DCDC1: variants seen among roughly 807,000 people sequenced by gnomAD.
DCDC1 encodes the protein doublecortin domain containing 1, also known as doublecortin domain-containing protein 1.
DCDC1 carries 200 observed loss-of-function variants against 178.3 expected under a neutral mutation model. The ratio of observed to expected loss-of-function variants is 1.12; its 90% CI spans 1.00 to 1.26. The LOEUF is 1.26. Among genes scored for constraint, DCDC1 ranks in the 50% most tolerant of loss-of-function variants. The pLI, the probability that DCDC1 is intolerant of heterozygous loss-of-function variation, is 0.00. For synonymous variants in DCDC1, 690 were observed against 604.8 expected, an observed-to-expected ratio of 1.14 and a Z score of -2.07; for missense variants, 1,983 against 1,749.2, an observed-to-expected ratio of 1.13 and a Z score of -2.38.
At chr11:31,307,544 A>G in intron 4 of DCDC1, 95 bp downstream of exon 4, 1 of 1,472,200 alleles carries the variant, frequency 6.8e-7, no homozygotes, top group Non-Finnish European at 9.1e-7. Flanking sequence ...GTTACATTTT[A>G]ATGTCTGAGA....
At chr11:31,337,858 G>A (rs1388283604) in intron 1 of DCDC1, among the ~76,000 whole-genome samples, 1 of 152,166 alleles carries the variant, frequency 6.6e-6, no homozygotes, top group African/African-American at 2.4e-5. Context: ...CTGTGAACAT[G>A]GGATTAGCTA....
intron 6 of DCDC1, among the ~76,000 whole-genome samples, chr11:31,301,415 C>T (rs1190725798): frequency 6.6e-6 from 1 of 152,136 alleles, no homozygotes; most frequent in Middle Eastern, 3.2e-3. Flanking sequence ...TTGGTGTAGG[C>T]AGCACTATAG....
chr11:31,355,875 C>T (rs1951323071), intron 1 of DCDC1, among the ~76,000 whole-genome samples: 1 of 152,010 alleles, frequency 6.6e-6, no homozygotes, highest in Non-Finnish European at 1.5e-5. Flanking sequence ...GGCTGACGAT[C>T]TTAACTTTCT....
chr11:31,197,515 T>C (rs1970826367), intron 9 of DCDC1, among the ~76,000 whole-genome samples: 2 of 152,086 alleles, frequency 1.3e-5, no homozygotes, highest in African/African-American at 4.8e-5. Context: ...TCTTACCTCT[T>C]AGAAATAGGC....
intron 20 of DCDC1, among the ~76,000 whole-genome samples, chr11:30,965,054 A>G (rs972232409): frequency 6.6e-6 from 1 of 152,180 alleles, no homozygotes; most frequent in African/African-American, 2.4e-5. Flanking sequence ...AGACAGGGTG[A>G]GTGAGTCCCT....
intron 7 of DCDC1, among the ~76,000 whole-genome samples, chr11:31,289,461 G>T (rs1379764001): frequency 6.6e-6 from 1 of 151,882 alleles, no homozygotes. Context: ...CTTGGTAAAT[G>T]CTCTTAACCA....
chr11:30,933,397 T>C (rs1947066686), intron 21 of DCDC1, among the ~76,000 whole-genome samples: 1 of 152,150 alleles, frequency 6.6e-6, no homozygotes, highest in African/African-American at 2.4e-5. Context: ...ATAAAGCTCT[T>C]TTTCCTTCAT....
intron 9 of DCDC1, among the ~76,000 whole-genome samples, chr11:31,192,154 T>G (rs994675039): frequency 2.0e-5 from 3 of 152,070 alleles, no homozygotes; most frequent in Non-Finnish European, 4.4e-5. Context: ...ACTCTCACCG[T>G]TAGGACCTCA....
chr11:30,999,057 A>T (rs1042653443), intron 20 of DCDC1, among the ~76,000 whole-genome samples: 2 of 152,194 alleles, frequency 1.3e-5, no homozygotes, highest in African/African-American at 4.8e-5. Context: ...CAATTCAGGA[A>T]CATTCTAAAA....
At chr11:31,010,753 T>C (rs79879398) in intron 20 of DCDC1, among the ~76,000 whole-genome samples, 2 of 152,328 alleles carry the variant, frequency 1.3e-5, no homozygotes, top group East Asian at 3.9e-4. Flanking sequence ...GTAAATGTAT[T>C]CCATTTTTAA....
At chr11:31,135,081 G>A (rs565128308) in intron 10 of DCDC1, among the ~76,000 whole-genome samples, 1 of 152,130 alleles carries the variant, frequency 6.6e-6, no homozygotes, top group Non-Finnish European at 1.5e-5. Context: ...ATACGTTACT[G>A]TTACTCCCAA....
At position 31,310,308 on chromosome 11, in the gene DCDC1, A is replaced by ATTTTTTTT. The variant is rs11407483; in HGVS notation, c.165-2408_165-2401dup. Among the ~76,000 whole-genome samples the ATTTTTTTT allele has an allele frequency of 2.6e-3, 141 of 53,866 alleles. 3 individuals are homozygous for ATTTTTTTT. The highest frequency in any genetic ancestry group is 0.023 in the Middle Eastern group (1 of 44). 35.3% of individuals were successfully genotyped at this position (53,866 alleles called of 152,430 possible). A position where few individuals can be genotyped will look rare whatever the true frequency, so the allele number is the denominator to read the frequency against. On this transcript the variant is annotated intron_variant, in intron 3 of 38. Coordinates refer to ENST00000684477, the MANE Select transcript of DCDC1 (RefSeq NM_001387274.1). The stretch of plus-strand genomic sequence containing the variant: ...GAGGACAGGTTTTCAGTAATTCTTG[A>ATTTTTTTT]TTTTTTTTTTTTTTTTTTTTTTTTT...
At chr11:31,276,197 T>C (rs1484940162) in intron 7 of DCDC1, among the ~76,000 whole-genome samples, 2 of 152,186 alleles carry the variant, frequency 1.3e-5, no homozygotes, top group Non-Finnish European at 2.9e-5. Context: ...ATGATGAAAA[T>C]CTATTCAGCT....
intron 8 of DCDC1, among the ~76,000 whole-genome samples, chr11:31,256,042 G>T (rs11031331): frequency 0.26 from 39,923 of 151,998 alleles, 5,395 homozygotes; most frequent in African/African-American, 0.32. Context: ...TTTGCATGTG[G>T]ATATCCAGTT....
At chr11:31,105,005 A>G (rs948119684) in intron 13 of DCDC1, among the ~76,000 whole-genome samples, 19 of 152,106 alleles carry the variant, frequency 1.2e-4, no homozygotes, top group Admixed American at 3.9e-4. Flanking sequence ...ACCCCTTCAA[A>G]TCAACATAAA....
At chr11:30,872,088 G>A (rs1404625026) in intron 38 of DCDC1, among the ~76,000 whole-genome samples, 3 of 151,942 alleles carry the variant, frequency 2.0e-5, no homozygotes, top group Non-Finnish European at 2.9e-5. Context: ...TTAGCACTAC[G>A]TACAAGGCCC....
intron 9 of DCDC1, among the ~76,000 whole-genome samples, chr11:31,194,576 A>T (rs1970466753): frequency 6.6e-6 from 1 of 152,066 alleles, no homozygotes; most frequent in Admixed American, 6.6e-5. Flanking sequence ...TTAATTTTAT[A>T]TTATGAGCCT....
At chr11:31,356,943 C>A (rs1951409843) in intron 1 of DCDC1, among the ~76,000 whole-genome samples, 1 of 152,116 alleles carries the variant, frequency 6.6e-6, no homozygotes, top group Admixed American at 6.6e-5. Context: ...TGGCAATAAT[C>A]AATAGCTTAC....
intron 9 of DCDC1, among the ~76,000 whole-genome samples, chr11:31,170,890 C>T (rs1374175214): frequency 3.3e-5 from 5 of 151,970 alleles, no homozygotes; most frequent in African/African-American, 7.3e-5. Context: ...AGTGCAATAG[C>T]GTGATCTTGG....
Sources: allele counts gnomAD v4.1 joint callset (sites outside exome capture counted in the v4.1 genomes callset), GRCh38; gene constraint gnomAD v4.1.1; transcripts MANE v1.5; gene names NCBI Gene and HGNC (gene_info 2026-07-23, HGNC 2026-07-21).